The following ANKDD1A variants were observed in gnomAD, a reference collection of about 807,000 sequenced individuals.
ANKDD1A encodes the protein ankyrin repeat and death domain containing 1A, also known as ankyrin repeat and death domain-containing protein 1A.
A neutral mutation model predicts 63.5 loss-of-function variants in ANKDD1A; 59 were observed. That is an observed-to-expected ratio of 0.93 (90% confidence interval 0.75 to 1.15). The LOEUF is 1.15. Ranked by LOEUF, ANKDD1A falls within the 50% of genes most tolerant of loss-of-function variation. ANKDD1A has a pLI of 0.00. For missense variants in ANKDD1A, 632 were observed against 656.4 expected, an observed-to-expected ratio of 0.96 and a Z score of 0.41; for synonymous variants, 266 against 263.9, an observed-to-expected ratio of 1.01 and a Z score of -0.08.
intron 3 of ANKDD1A, chr15:64,919,960 C>T (rs367799760): frequency 3.9e-5 from 6 of 152,348 alleles, no homozygotes; most frequent in Middle Eastern, 3.4e-3. Context: ...TTTGGATGCT[C>T]GGGAGCCTGC....
intron 6 of ANKDD1A, among the ~76,000 whole-genome samples, chr15:64,927,320 TG>T (rs1382259436): frequency 6.6e-6 from 1 of 152,216 alleles, no homozygotes; most frequent in Non-Finnish European, 1.5e-5. Context: ...TTGGTAGTGC[TG>T]CCTGGAGTGG....
At chr15:64,916,027 C>G in intron 2 of ANKDD1A, 127 bp downstream of exon 2, 1 of 914,926 alleles carries the variant, frequency 1.1e-6, no homozygotes, top group Non-Finnish European at 1.6e-6. Flanking sequence ...GAGGGAGGCT[C>G]GGGCTCTGTC....
At chr15:64,956,226 G>C (rs2085414913) in intron 14 of ANKDD1A, among the ~76,000 whole-genome samples, 1 of 137,874 alleles carries the variant, frequency 7.3e-6, no homozygotes. Context: ...TTTTTTCTTT[G>C]GATTCCTTTT....
chr15:64,943,663 C>T, intron 11 of ANKDD1A, 81 bp downstream of exon 11: 1 of 1,022,846 alleles, frequency 9.8e-7, no homozygotes, highest in Non-Finnish European at 1.4e-6. Context: ...ATGCCCCCTC[C>T]CTCCTCCTTC....
chr15:64,934,032 A>T (rs1236592259), intron 8 of ANKDD1A, 104 bp from the exon 9 acceptor site: 1 of 882,450 alleles, frequency 1.1e-6, no homozygotes, highest in Non-Finnish European at 1.8e-6. Flanking sequence ...TAATACTCCC[A>T]GGGGTGTTGT....
At chr15:64,937,781 A>C (rs753153213) in intron 9 of ANKDD1A, among the ~76,000 whole-genome samples, 2 of 152,158 alleles carry the variant, frequency 1.3e-5, no homozygotes, top group Non-Finnish European at 2.9e-5. Context: ...GTTTTCAAAA[A>C]ATGTACTTAT....
chr15:64,927,770 A>G (rs1298765624), intron 6 of ANKDD1A, among the ~76,000 whole-genome samples: 1 of 151,874 alleles, frequency 6.6e-6, no homozygotes, highest in African/African-American at 2.4e-5. Flanking sequence ...ACACCCAGCT[A>G]ATTTTTTTTG....
At chr15:64,951,945 C>A (rs1003543046) in intron 14 of ANKDD1A, among the ~76,000 whole-genome samples, 1 of 133,522 alleles carries the variant, frequency 7.5e-6, no homozygotes, top group African/African-American at 2.7e-5. Context: ...TTCTTTTCTT[C>A]TTCTTCTTTC....
chr15:64,939,504 C>T (rs966022368), intron 9 of ANKDD1A, among the ~76,000 whole-genome samples: 7 of 152,050 alleles, frequency 4.6e-5, no homozygotes, highest in African/African-American at 1.4e-4. Flanking sequence ...AGTCCCTGTT[C>T]CTCCAGAGGC....
At chr15:64,947,627 A>T (rs1465907774) in intron 13 of ANKDD1A, 34 bp downstream of exon 13, 1 of 1,606,016 alleles carries the variant, frequency 6.2e-7, no homozygotes, top group Non-Finnish European at 8.5e-7. Flanking sequence ...CTAAGCAACC[A>T]TTGGGCGGAG....
chr15:64,924,124 G>C (rs2085028670), intron 4 of ANKDD1A, among the ~76,000 whole-genome samples: 1 of 152,244 alleles, frequency 6.6e-6, no homozygotes, highest in African/African-American at 2.4e-5. Context: ...GTGGGCTGGG[G>C]GCTGGCTGGC....
intron 10 of ANKDD1A, 115 bp from the exon 11 acceptor site, chr15:64,943,369 T>C: frequency 2.5e-6 from 2 of 813,128 alleles, no homozygotes; most frequent in East Asian, 2.5e-5. Flanking sequence ...GAAAACATTC[T>C]GCATTAAAGA....
chr15:64,943,650 C>T lies in ANKDD1A; in HGVS notation c.1065+68C>T, dbSNP rs113840979. 14,678 of 1,356,488 alleles carry T rather than the reference C, an allele frequency of 0.011. 810 individuals are homozygous for T. The South Asian group carries it at 0.12, about 11-fold the overall frequency. 84.0% of individuals were successfully genotyped at this position (1,356,488 alleles called of 1,614,324 possible). On this transcript the variant is annotated intron_variant, in intron 11 of 14. Coordinates refer to ENST00000319580, the MANE Select transcript of ANKDD1A (RefSeq NM_182703.6). Reference sequence around the variant, plus strand: ...TCCCCCCTTGCCAGAGACCCTGCTACGAATGCCCCCTCCCTCCTCCTTCTC... The same window carrying T: ...TCCCCCCTTGCCAGAGACCCTGCTATGAATGCCCCCTCCCTCCTCCTTCTC...
chr15:64,953,555 C>CTTCTTA (rs2085346722), intron 14 of ANKDD1A, among the ~76,000 whole-genome samples: 2 of 61,860 alleles, frequency 3.2e-5, no homozygotes, highest in South Asian at 2.0e-3. Flanking sequence ...CCTTCTCCTT[C>CTTCTTA]TTTCTTCCTC....
rs2085432671 is a variant in ANKDD1A at position 64,957,863 on chromosome 15, A to G, written c.*675A>G. 6.6e-6 allele frequency: 1 copy of G among 152,224 alleles called. No homozygotes were observed. The allele number at this position is 152,224 out of a possible 1,614,324, so 9.4% of individuals were successfully genotyped here. On this transcript the variant is annotated 3_prime_UTR_variant, in exon 15 of 15. Coordinates refer to ENST00000319580, the MANE Select transcript of ANKDD1A (RefSeq NM_182703.6). ...GTGCATATAGTATATTACTAATAGT[A>G]TGCTGTTAATTGTGTAAGAAAGAAA...
At chr15:64,912,906 T>C (rs972722161) in intron 1 of ANKDD1A, among the ~76,000 whole-genome samples, 2 of 152,156 alleles carry the variant, frequency 1.3e-5, no homozygotes, top group Admixed American at 6.5e-5. Flanking sequence ...CTGCGAAGAA[T>C]GTGTACCAAT....
At chr15:64,948,154 TAGAG>T (rs372476642) in intron 13 of ANKDD1A, among the ~76,000 whole-genome samples, 66 of 152,108 alleles carry the variant, frequency 4.3e-4, no homozygotes, top group East Asian at 2.3e-3. Flanking sequence ...GCAAAAAATA[TAGAG>T]AGAGAATCTT....
At chr15:64,952,241 TCTTA>T (rs991918536) in intron 14 of ANKDD1A, among the ~76,000 whole-genome samples, 5 of 150,852 alleles carry the variant, frequency 3.3e-5, no homozygotes, top group Admixed American at 2.0e-4. Flanking sequence ...CCTTTCTTCT[TCTTA>T]TTCTTCTCCT....
chr15:64,931,751 G>A (rs2085093616), intron 8 of ANKDD1A, 166 bp downstream of exon 8: 1 of 693,042 alleles, frequency 1.4e-6, no homozygotes, highest in Non-Finnish European at 2.5e-6. Flanking sequence ...GTGACCTGGA[G>A]CAAGTTACTT....
Sources: allele counts gnomAD v4.1 joint callset (sites outside exome capture counted in the v4.1 genomes callset), GRCh38; gene constraint gnomAD v4.1.1; transcripts MANE v1.5; gene names NCBI Gene and HGNC (gene_info 2026-07-23, HGNC 2026-07-21).